The following RSPH3 variants were observed in gnomAD, a reference collection of about 807,000 sequenced individuals.
RSPH3 encodes the protein radial spoke head 3, also known as radial spoke head protein 3 homolog.
RSPH3 carries 21 observed loss-of-function variants against 43.8 expected under a neutral mutation model. The ratio of observed to expected loss-of-function variants is 0.48; its 90% confidence interval spans 0.34 to 0.69. The LOEUF (loss-of-function observed/expected upper bound fraction) is 0.69. Ranked by LOEUF, RSPH3 falls within the 30% of genes least tolerant of loss-of-function variation. The pLI, the probability that RSPH3 is intolerant of heterozygous loss-of-function variation, is 0.01. For synonymous variants in RSPH3, 173 were observed against 179.8 expected (o/e 0.96, Z 0.30); for missense variants, 487 against 516.0 (o/e 0.94, Z 0.54).
chr6:158,968,186 G>C (rs1029016577), downstream of RSPH3, among the ~76,000 whole-genome samples: 2 of 151,966 alleles, frequency 1.3e-5, no homozygotes, highest in Non-Finnish European at 2.9e-5. Context: ...TGCATTAAAT[G>C]GGTATCTTCC....
At chr6:158,981,227 A>C (rs1778022173) in intron 5 of RSPH3, among the ~76,000 whole-genome samples, 1 of 152,186 alleles carries the variant, frequency 6.6e-6, no homozygotes, top group Non-Finnish European at 1.5e-5. Context: ...AAAGATAATC[A>C]CCATTATATG....
chr6:158,996,281 G>A (rs1378471752), intron 1 of RSPH3, among the ~76,000 whole-genome samples: 1 of 152,148 alleles, frequency 6.6e-6, no homozygotes, highest in African/African-American at 2.4e-5. Flanking sequence ...CATGCCTAAA[G>A]GTGAATTTAA....
chr6:158,977,821 C>T lies in RSPH3; in HGVS notation c.974G>A (p.Arg325Lys). 1 of 1,612,280 alleles carries T rather than the reference C, an allele frequency of 6.2e-7. No individual in the cohort carries two copies. ...TTCCCCATGCTCATACATACACAGCCTCTTTTCAACCACCTCACGGATCAA... is the reference window on the plus strand; with the variant it reads ...TTCCCCATGCTCATACATACACAGCTTCTTTTCAACCACCTCACGGATCAA... ...DMLIREVVEK[R>K]LCMYEHGEDT... is the part of the protein sequence containing the mutation. The change falls in exon 8 of 8, where the codon AGG (arginine) becomes AAG (lysine). Residue 325 changes from arginine (R) to lysine (K), a missense_variant. Transcript: ENST00000367069.
At chr6:158,990,353 T>G (rs943458676) in intron 2 of RSPH3, 1 of 152,278 alleles carries the variant, frequency 6.6e-6, no homozygotes, top group Admixed American at 6.5e-5. Context: ...CCCTGGGAAC[T>G]GCTTCTTCCT....
chr6:158,968,212 T>C, downstream of RSPH3, among the ~76,000 whole-genome samples: 1 of 152,140 alleles, frequency 6.6e-6, no homozygotes, highest in East Asian at 1.9e-4. Context: ...AAGCTTTTAA[T>C]ACTCTTGTTT....
chr6:158,998,382 T>C (rs1201731020), intron 1 of RSPH3, among the ~76,000 whole-genome samples: 1 of 135,594 alleles, frequency 7.4e-6, no homozygotes, highest in Non-Finnish European at 1.5e-5. Context: ...GGCAGGAGAA[T>C]GGCGTGAACC....
At chr6:158,966,627 C>T in the RSPH3 span, among the ~76,000 whole-genome samples, 3 of 151,712 alleles carry the variant, frequency 2.0e-5, no homozygotes, top group African/African-American at 4.8e-5. Context: ...CATAATATTC[C>T]CATAATAATC....
At chr6:158,979,304 A>G (rs555352272) in intron 6 of RSPH3, among the ~76,000 whole-genome samples, 8 of 152,234 alleles carry the variant, frequency 5.3e-5, no homozygotes, top group Non-Finnish European at 1.2e-4. Context: ...AATAATTTTT[A>G]TCTCAGGTAT....
chr6:158,964,826 CA>C, the RSPH3 span, among the ~76,000 whole-genome samples: 1 of 152,014 alleles, frequency 6.6e-6, no homozygotes, highest in Non-Finnish European at 1.5e-5. Flanking sequence ...TGATGAAATC[CA>C]ATTTATCTTT....
chr6:158,981,585 C>T (rs549135131), intron 5 of RSPH3, among the ~76,000 whole-genome samples: 3 of 152,270 alleles, frequency 2.0e-5, no homozygotes, highest in South Asian at 2.1e-4. Context: ...AAAGACTTCA[C>T]GACTCATTTC....
intron 2 of RSPH3, among the ~76,000 whole-genome samples, chr6:158,993,459 T>C (rs1459767610): frequency 1.3e-5 from 2 of 151,804 alleles, no homozygotes; most frequent in East Asian, 3.9e-4. Flanking sequence ...GCTAATTCTT[T>C]TTTTGTGGTA....
At chr6:158,980,751 A>C (rs757521143) in intron 6 of RSPH3, 23 bp downstream of exon 6, 18 of 1,589,090 alleles carry the variant, frequency 1.1e-5, no homozygotes, top group Admixed American at 1.0e-4. Flanking sequence ...AACAAAATTA[A>C]TCTAACAAAA....
rs1171267116 is a variant in RSPH3 at position 158,975,545 on chromosome 6, T to G, written c.*1993A>C. On this transcript the variant is annotated 3_prime_UTR_variant, in exon 8 of 8. Transcript: ENST00000367069. The stretch of plus-strand genomic sequence containing the variant: ...ATTTACATCATTTACTTCATTTAGC[T>G]CCACTGCTAGGCTGTAAAAAACATG... 1 of 152,206 alleles carries G rather than the reference T, an allele frequency of 6.6e-6. No individual in the cohort carries two copies. The highest frequency in any genetic ancestry group is 1.5e-5 in the Non-Finnish European group (1 of 68,036). 9.4% of individuals were successfully genotyped at this position (152,206 alleles called of 1,614,324 possible). A position where few individuals can be genotyped will look rare whatever the true frequency, so the allele number is the denominator to read the frequency against.
intron 2 of RSPH3, among the ~76,000 whole-genome samples, chr6:158,992,050 GTTTTTTT>G (rs1214613827): frequency 1.8e-5 from 2 of 113,816 alleles, no homozygotes; most frequent in Non-Finnish European, 3.6e-5. Flanking sequence ...AATGAGCACT[GTTTTTTT>G]TTTTTTTTTT....
chr6:158,972,992 A>G lies in RSPH3; in HGVS notation c.*4546T>C, dbSNP rs1562554532. 6.6e-6 allele frequency: 1 copy of G among 152,258 alleles called. No individual in the cohort carries two copies. Among genetic ancestry groups the G allele is most frequent in the Non-Finnish European group, 1.5e-5 (1 of 68,048 alleles). The allele number at this position is 152,258 out of a possible 1,614,324, so 9.4% of individuals were successfully genotyped here. On this transcript the variant is annotated 3_prime_UTR_variant, in exon 8 of 8. Coordinates refer to ENST00000367069, the MANE Select transcript of RSPH3 (RefSeq NM_031924.8). ...ACACCATTAGCACTACTTTCACAAT[A>G]GTGACACCCCACTTATAACACTCTT...
At chr6:158,985,729 T>C (rs1340575271) in intron 3 of RSPH3, among the ~76,000 whole-genome samples, 3 of 152,056 alleles carry the variant, frequency 2.0e-5, no homozygotes, top group Non-Finnish European at 2.9e-5. Context: ...TTCTTCTTTT[T>C]GTTTTTTTTA....
intron 6 of RSPH3, 45 bp downstream of exon 6, chr6:158,980,729 G>A: frequency 6.9e-7 from 1 of 1,453,018 alleles, no homozygotes; most frequent in African/African-American, 1.4e-5. Context: ...CCATTAAGAG[G>A]ATGCTTATTA....
At chr6:158,965,114 G>A in the RSPH3 span, among the ~76,000 whole-genome samples, 501 of 152,164 alleles carry the variant, frequency 3.3e-3, 2 homozygotes, top group Non-Finnish European at 5.4e-3. Context: ...GACCATAGAT[G>A]TATGGATTTA....
chr6:158,966,497 T>C, the RSPH3 span, among the ~76,000 whole-genome samples: 8 of 152,302 alleles, frequency 5.3e-5, no homozygotes, highest in South Asian at 1.7e-3. Context: ...TAATCCAATC[T>C]CTTTGTTACA....
Sources: allele counts gnomAD v4.1 joint callset (sites outside exome capture counted in the v4.1 genomes callset), GRCh38; gene constraint gnomAD v4.1.1; transcripts MANE v1.5; gene names NCBI Gene and HGNC (gene_info 2026-07-23, HGNC 2026-07-21).